The following PA2G4 variants were observed in gnomAD, a reference collection of about 807,000 sequenced individuals.
PA2G4 encodes the protein proliferation-associated 2G4.
PA2G4 carries 8 observed loss-of-function variants against 53.3 expected under a neutral mutation model. That is an observed-to-expected ratio of 0.15 (90% CI 0.09 to 0.27). The LOEUF (loss-of-function observed/expected upper bound fraction) is 0.27. Among genes scored for constraint, PA2G4 ranks in the 10% least tolerant of loss-of-function variants. PA2G4 has a pLI of 1.00. For synonymous variants in PA2G4, 143 were observed against 169.8 expected, an observed-to-expected ratio of 0.84 and a Z score of 1.23; for missense variants, 208 against 486.8, an observed-to-expected ratio of 0.43 and a Z score of 5.39.
rs140768406 is a variant in PA2G4 at position 56,109,900 on chromosome 12, A to G, written c.594A>G (p.Glu198=). The change falls in exon 7 of 13, where the codon GAA becomes GAG. Residue 198 remains glutamate (E), a synonymous_variant. Coordinates refer to ENST00000303305, the MANE Select transcript of PA2G4 (RefSeq NM_006191.3). ...TGAAGCAGCATGTCATCGATGGAGA[A>G]AAAACCATTATCCAGAATCCCACAG... ...HQLKQHVIDG[E]KTIIQNPTDQ... The G allele has an allele frequency of 5.6e-4, 905 of 1,613,878 alleles. No individual in the cohort carries two copies. The highest frequency in any genetic ancestry group is 7.2e-4 in the Non-Finnish European group (847 of 1,179,862).
At chr12:56,106,428 C>A in intron 1 of PA2G4, 160 bp from the exon 2 acceptor site, 1 of 733,466 alleles carries the variant, frequency 1.4e-6, no homozygotes, top group Non-Finnish European at 2.1e-6. Context: ...CCAGTTGTCA[C>A]ATAATGTAAG....
rs1359027570 is a variant in PA2G4 at position 56,104,684 on chromosome 12, A to G, written c.-54A>G. 6.7e-7 allele frequency: 1 copy of G among 1,483,318 alleles called. No homozygotes were observed. 91.9% of individuals were successfully genotyped at this position (1,483,318 alleles called of 1,614,324 possible). ...CCACAGCCTGTGGCTGGGAAGGGAG[A>G]CAGAGGCGGCGGCGGCTCAGGGGAA... On this transcript the variant is annotated 5_prime_UTR_variant, in exon 1 of 13. Coordinates refer to ENST00000303305, the MANE Select transcript of PA2G4 (RefSeq NM_006191.3).
At chr12:56,109,995 C>A in intron 7 of PA2G4, 60 bp downstream of exon 7, 1 of 1,158,362 alleles carries the variant, frequency 8.6e-7, no homozygotes, top group Non-Finnish European at 1.3e-6. Flanking sequence ...AGGTTTTTTT[C>A]TATACTCCCA....
intron 9 of PA2G4, 38 bp downstream of exon 9, chr12:56,110,730 C>T (rs752890985): frequency 2.0e-5 from 33 of 1,611,974 alleles, no homozygotes; most frequent in Middle Eastern, 1.6e-4. Flanking sequence ...CAGTCTGACT[C>T]ACAGACCATA....
intron 9 of PA2G4, 55 bp from the exon 10 acceptor site, chr12:56,110,909 T>C: frequency 1.3e-6 from 2 of 1,524,810 alleles, no homozygotes; most frequent in Non-Finnish European, 9.1e-7. Flanking sequence ...ATGAGCAAAA[T>C]GGTAAGACTT....
At position 56,113,010 on chromosome 12, in the gene PA2G4, CCCCCACCCCAGTT is replaced by C. The variant is rs1388513762; in HGVS notation, c.*128_*140del. ...CCAGCAGAGCGGGGGGATCTCCCTG[CCCCCACCCCAGTT>C]CCCCAACCCACTCCCTTCCAACAAC... On this transcript the variant is annotated 3_prime_UTR_variant, in exon 13 of 13. Coordinates refer to ENST00000303305, the MANE Select transcript of PA2G4 (RefSeq NM_006191.3). 3 of 598,518 alleles carry C rather than the reference CCCCCACCCCAGTT, an allele frequency of 5.0e-6. No homozygotes were observed. Among genetic ancestry groups the C allele is most frequent in the Non-Finnish European group, 8.3e-6 (3 of 359,696 alleles). 37.1% of individuals were successfully genotyped at this position (598,518 alleles called of 1,614,324 possible).
chr12:56,106,717 G>GT lies in PA2G4; in HGVS notation c.217+2dup. On this transcript the variant is annotated splice_donor_variant, in intron 2 of 12. Coordinates refer to ENST00000303305, the MANE Select transcript of PA2G4 (RefSeq NM_006191.3). LOFTEE classifies it high-confidence loss of function. ...AAGAAAGAAAAGGAAATGAAGAAAG[G>GT]TAAAAAAAAAAAATCCCTCACTAAT... The GT allele has an allele frequency of 1.3e-6, 2 of 1,566,054 alleles. No individual in the cohort carries two copies. The highest frequency in any genetic ancestry group is 2.2e-5 in the East Asian group (1 of 44,682).
intron 12 of PA2G4, 129 bp from the exon 13 acceptor site, chr12:56,112,694 C>T: frequency 1.5e-6 from 1 of 655,610 alleles, no homozygotes; most frequent in Non-Finnish European, 2.6e-6. Context: ...GAAGTGGTAC[C>T]ACTGCACTCC....
At chr12:56,111,622 A>C (rs1470312425) in intron 12 of PA2G4, 93 bp downstream of exon 12, 3 of 1,088,540 alleles carry the variant, frequency 2.8e-6, no homozygotes, top group Non-Finnish European at 4.2e-6. Flanking sequence ...GGATTTTTAT[A>C]CAGATGCTCC....
intron 5 of PA2G4, among the ~76,000 whole-genome samples, chr12:56,108,761 T>C (rs1448976773): frequency 6.6e-6 from 1 of 152,080 alleles, no homozygotes; most frequent in Admixed American, 6.6e-5. Flanking sequence ...TATTTTTAGA[T>C]TGTAGGGATA....
At chr12:56,110,035 T>G in intron 7 of PA2G4, 100 bp downstream of exon 7, 1 of 845,350 alleles carries the variant, frequency 1.2e-6, no homozygotes, top group Admixed American at 1.9e-5. Flanking sequence ...CTACTCCATG[T>G]TTTCAGGAGT....
intron 1 of PA2G4, 198 bp from the exon 2 acceptor site, chr12:56,106,390 C>A: frequency 2.2e-6 from 1 of 459,452 alleles, no homozygotes; most frequent in Non-Finnish European, 3.6e-6. Context: ...AGTCTGAGGC[C>A]TTGCCTAGGG....
At chr12:56,111,964 A>G (rs1869435745) in intron 12 of PA2G4, among the ~76,000 whole-genome samples, 1 of 151,926 alleles carries the variant, frequency 6.6e-6, no homozygotes, top group Non-Finnish European at 1.5e-5. Flanking sequence ...AAAATACAAA[A>G]TTAGCTGGGT....
intron 7 of PA2G4, among the ~76,000 whole-genome samples, chr12:56,110,177 G>C (rs1205380526): frequency 6.6e-6 from 1 of 152,034 alleles, no homozygotes; most frequent in Non-Finnish European, 1.5e-5. Context: ...TAACCAACAT[G>C]GCGAAACCCT....
intron 8 of PA2G4, 25 bp from the exon 9 acceptor site, chr12:56,110,534 A>C (rs372807113): frequency 1.9e-5 from 31 of 1,613,978 alleles, no homozygotes; most frequent in Non-Finnish European, 2.5e-5. Flanking sequence ...CACCAGACCA[A>C]ATGTTACTTA....
chr12:56,109,819 C>T, intron 6 of PA2G4, 38 bp from the exon 7 acceptor site: 1 of 1,500,310 alleles, frequency 6.7e-7, no homozygotes, highest in Non-Finnish European at 9.3e-7. Flanking sequence ...TTTTGGGATA[C>T]TGGATAGCTT....
intron 7 of PA2G4, among the ~76,000 whole-genome samples, 162 bp from the exon 8 acceptor site, chr12:56,110,237 A>G (rs921032670): frequency 2.6e-5 from 4 of 151,738 alleles, no homozygotes; most frequent in Admixed American, 2.6e-4. Flanking sequence ...GTTTGTGCCT[A>G]TAGTCCCAGC....
At position 56,109,280 on chromosome 12, in the gene PA2G4, C is replaced by T. The variant is rs778297855; in HGVS notation, c.537C>T (p.Cys179=). The change falls in exon 6 of 13, where the codon TGC becomes TGT. Residue 179 remains cysteine, a synonymous_variant. Coordinates refer to ENST00000303305, the MANE Select transcript of PA2G4 (RefSeq NM_006191.3). ...AWNKVAHSFN[C]TPIEGMLSHQ... is the part of the protein sequence containing the mutation. ...ACAAAGTTGCCCACTCATTTAACTGCACGCCAATAGAAGGTGAGAACAGAT... is the reference window on the plus strand; with the variant it reads ...ACAAAGTTGCCCACTCATTTAACTGTACGCCAATAGAAGGTGAGAACAGAT... The T allele has an allele frequency of 3.1e-6, 5 of 1,610,270 alleles. No individual in the cohort carries two copies. The Admixed American group carries it at 8.3e-5, about 27-fold the overall frequency.
rs1465420910 is a variant in PA2G4 at position 56,111,379 on chromosome 12, C to A, written c.1065+70C>A. On this transcript the variant is annotated intron_variant, in intron 11 of 12. Transcript: ENST00000303305. ...CTTGGGAGTGAGGGCTAAATGCCAGCAAAGTCCTGAAAAGAGCTGCAGTAC... is the reference window on the plus strand; with the variant it reads ...CTTGGGAGTGAGGGCTAAATGCCAGAAAAGTCCTGAAAAGAGCTGCAGTAC... The A allele has an allele frequency of 3.1e-6, 5 of 1,604,222 alleles. No individual in the cohort carries two copies. In the East Asian group the frequency reaches 8.9e-5, roughly 29 times the overall value.
Sources: gnomAD v4.1 joint callset for allele counts (sites outside exome capture counted in the v4.1 genomes callset) on GRCh38, gnomAD v4.1.1 for gene constraint, MANE v1.5 for transcripts, NCBI Gene and HGNC (gene_info 2026-07-23, HGNC 2026-07-21) for gene names.